Variants in DDX4 observed in about 807,000 individuals in gnomAD.
The protein encoded by DDX4 is DEAD-box helicase 4.
In DDX4, 25 loss-of-function variants were observed where a neutral mutation model predicts 100.0. The observed-to-expected ratio is 0.25, with a 90% CI of 0.18 to 0.35. The LOEUF (loss-of-function observed/expected upper bound fraction) is 0.35. Ranked by LOEUF, DDX4 falls within the 10% of genes least tolerant of loss-of-function variation. The pLI is 1.00. For synonymous variants in DDX4, 259 were observed against 275.7 expected, an observed-to-expected ratio of 0.94 and a Z score of 0.60; for missense variants, 635 against 882.4, an observed-to-expected ratio of 0.72 and a Z score of 3.55.
chr5:55,784,618 A>T (rs946932301), intron 10 of DDX4, among the ~76,000 whole-genome samples: 1 of 152,188 alleles, frequency 6.6e-6, no homozygotes, highest in Non-Finnish European at 1.5e-5. Flanking sequence ...CCATTTGTGC[A>T]TTGTGGTTTT....
At chr5:55,790,803 C>T (rs1264779128) in intron 16 of DDX4, 98 bp downstream of exon 16, 13 of 1,052,182 alleles carry the variant, frequency 1.2e-5, no homozygotes, top group Admixed American at 6.0e-5. Flanking sequence ...TTTAGTAGAG[C>T]ACTATTTATG....
intron 18 of DDX4, among the ~76,000 whole-genome samples, chr5:55,805,127 C>T (rs1743608656): frequency 6.6e-6 from 1 of 150,694 alleles, no homozygotes; most frequent in African/African-American, 2.5e-5. Context: ...CTCTGTTTGT[C>T]TGTTATTGGT....
At position 55,744,306 on chromosome 5, in the gene DDX4, T is replaced by C. The variant is rs566678857; in HGVS notation, c.70-1858T>C. Among the ~76,000 whole-genome samples, 27 of 152,366 alleles carry C rather than the reference T, an allele frequency of 1.8e-4. No individual in the cohort carries two copies. The South Asian group carries it at 5.2e-3, about 29-fold the overall frequency. ...AAGGAACATTGTAACTGTTGTAATATAGTTAGTTGATTAAGAGATCATCTG... is the reference window on the plus strand; with the variant it reads ...AAGGAACATTGTAACTGTTGTAATACAGTTAGTTGATTAAGAGATCATCTG... On this transcript the variant is annotated intron_variant, in intron 2 of 21. Transcript: ENST00000505374.
intron 3 of DDX4, among the ~76,000 whole-genome samples, chr5:55,749,642 T>C (rs1257681632): frequency 6.6e-6 from 1 of 152,128 alleles, no homozygotes; most frequent in African/African-American, 2.4e-5. Context: ...GTTCCAGCCT[T>C]TCCTTCCTCC....
chr5:55,786,279 G>A (rs1319046483), intron 13 of DDX4, among the ~76,000 whole-genome samples: 1 of 151,998 alleles, frequency 6.6e-6, no homozygotes, highest in East Asian at 1.9e-4. Context: ...GGTTTTAAGG[G>A]GGCAGGAAAA....
chr5:55,772,426 G>A (rs1741310489), intron 7 of DDX4, among the ~76,000 whole-genome samples: 1 of 152,114 alleles, frequency 6.6e-6, no homozygotes, highest in Non-Finnish European at 1.5e-5. Flanking sequence ...CCGTTGGTCA[G>A]TTTTTCTATT....
chr5:55,782,822 G>C (rs1742006563), intron 10 of DDX4, among the ~76,000 whole-genome samples: 2 of 144,724 alleles, frequency 1.4e-5, no homozygotes, highest in Non-Finnish European at 1.5e-5. Context: ...TTGAGACAGA[G>C]TCTCACTCTG....
intron 6 of DDX4, chr5:55,767,102 GT>G: frequency 8.0e-7 from 1 of 1,256,130 alleles, no homozygotes; most frequent in Non-Finnish European, 1.0e-6. Context: ...ATGGGGGAAA[GT>G]TTGCATATAT....
chr5:55,779,230 A>G (rs1414269797), intron 7 of DDX4, among the ~76,000 whole-genome samples: 1 of 152,238 alleles, frequency 6.6e-6, no homozygotes, highest in Admixed American at 6.5e-5. Flanking sequence ...AAAAGGTTCC[A>G]GAAGATACAA....
Position 55,750,795 on chromosome 5 carries a change from CT to C in DDX4, c.127+4578del, listed in dbSNP as rs546185624. 9.0e-4 allele frequency among the ~76,000 whole-genome samples: 136 copies of C among 151,774 alleles called. No homozygotes were observed. The Middle Eastern group carries it at 0.01, about 11-fold the overall frequency. On this transcript the variant is annotated intron_variant, in intron 3 of 21. Coordinates refer to ENST00000505374, the MANE Select transcript of DDX4 (RefSeq NM_024415.3). ...TTTTTAACTTAGAATTTTTTTTTTA[CT>C]TTTCCCCCTCATCACTGTTTAAGAT... is the stretch of plus-strand genomic sequence containing the variant.
intron 4 of DDX4, among the ~76,000 whole-genome samples, chr5:55,761,613 TC>T (rs1561487479): frequency 1.3e-5 from 2 of 151,948 alleles, no homozygotes; most frequent in African/African-American, 4.8e-5. Flanking sequence ...CTTTTTTTTT[TC>T]TTTTTCTTTT....
intron 3 of DDX4, among the ~76,000 whole-genome samples, chr5:55,749,241 TA>T (rs1270134792): frequency 6.6e-6 from 1 of 152,052 alleles, no homozygotes; most frequent in East Asian, 1.9e-4. Context: ...GGAAACAAAG[TA>T]AACAAAGTGA....
chr5:55,815,592 G>T (rs1473586320), intron 21 of DDX4, among the ~76,000 whole-genome samples, 169 bp downstream of exon 21: 1 of 151,986 alleles, frequency 6.6e-6, no homozygotes, highest in Non-Finnish European at 1.5e-5. Flanking sequence ...CATATTTTTG[G>T]TTTTAAAGGT....
At chr5:55,795,871 A>C (rs1742901559) in intron 17 of DDX4, among the ~76,000 whole-genome samples, 1 of 152,216 alleles carries the variant, frequency 6.6e-6, no homozygotes, top group Non-Finnish European at 1.5e-5. Flanking sequence ...AAATTGGCTC[A>C]CACAATCACA....
intron 7 of DDX4, among the ~76,000 whole-genome samples, chr5:55,768,988 A>G (rs562124606): frequency 5.0e-4 from 76 of 152,116 alleles, no homozygotes; most frequent in Non-Finnish European, 9.1e-4. Context: ...CTGCTTGTAC[A>G]TTTAATTTCC....
In DDX4 at chr5:55,804,996, C is replaced by A. The variant is rs999674609; in HGVS notation, c.1615+6425C>A. ...CATTTGTTTGTATCCTCTTTTATTTCGTTGAGCAGTGATTTGTAGTTCTCC... is the reference window on the plus strand; with the variant it reads ...CATTTGTTTGTATCCTCTTTTATTTAGTTGAGCAGTGATTTGTAGTTCTCC... On this transcript the variant is annotated intron_variant, in intron 18 of 21. Coordinates refer to ENST00000505374, the MANE Select transcript of DDX4 (RefSeq NM_024415.3). Among the ~76,000 whole-genome samples the A allele has an allele frequency of 5.3e-5, 8 of 151,646 alleles. No individual in the cohort carries two copies. In the South Asian group the frequency reaches 1.5e-3, roughly 28 times the overall value.
At chr5:55,778,804 G>T (rs1255808275) in intron 7 of DDX4, among the ~76,000 whole-genome samples, 2 of 151,784 alleles carry the variant, frequency 1.3e-5, no homozygotes, top group African/African-American at 4.8e-5. Context: ...TGAGACAGGA[G>T]AATCGCTTGG....
chr5:55,751,125 C>T (rs1353845329), intron 3 of DDX4, among the ~76,000 whole-genome samples: 1 of 152,206 alleles, frequency 6.6e-6, no homozygotes, highest in Non-Finnish European at 1.5e-5. Context: ...TTTATACTCC[C>T]ATCATTAGGA....
At chr5:55,761,303 A>G (rs1241102960) in intron 4 of DDX4, among the ~76,000 whole-genome samples, 2 of 152,160 alleles carry the variant, frequency 1.3e-5, no homozygotes, top group African/African-American at 4.8e-5. Flanking sequence ...TATTACATTT[A>G]GGAGCATATT....
Sources: allele counts gnomAD v4.1 joint callset (sites outside exome capture counted in the v4.1 genomes callset), GRCh38; gene constraint gnomAD v4.1.1; transcripts MANE v1.5; gene names NCBI Gene and HGNC (gene_info 2026-07-23, HGNC 2026-07-21).